NBN: variants seen among roughly 807,000 people sequenced by gnomAD.
NBN encodes Nijmegen breakage syndrome 1 (nibrin).
In NBN, 88 loss-of-function variants were observed where a neutral mutation model predicts 90.8. That is an observed-to-expected ratio of 0.97 (90% CI 0.82 to 1.16). The LOEUF (loss-of-function observed/expected upper bound fraction) is 1.16, where lower values mean the gene tolerates loss of function less well. NBN is among the 50% of genes most tolerant of loss of function. NBN has a pLI of 0.00. For missense variants in NBN, 894 were observed against 869.6 expected, an observed-to-expected ratio of 1.03 and a Z score of -0.35; for synonymous variants, 328 against 295.1, an observed-to-expected ratio of 1.11 and a Z score of -1.14.
In NBN at chr8:89,953,359, T is replaced by A. The variant is rs1341969209; in HGVS notation, c.1730A>T (p.Asp577Val). ...FKDTKPELEI[D>V]VKVQKQEEDV... ...TTCCTCCTGTTTTTGAACTTTCACA[T>A]CAATTTCTAACTCTGGTTTTGTGTC... The change falls in exon 11 of 16, where the codon GAT (aspartate) becomes GTT (valine). Residue 577 changes from aspartate (D) to valine (V), a missense_variant. Coordinates refer to ENST00000265433, the MANE Select transcript of NBN (RefSeq NM_002485.5). 1.2e-6 allele frequency: 2 copies of A among 1,613,602 alleles called. No homozygotes were observed. The highest frequency in any genetic ancestry group is 3.3e-5 in the Admixed American group (2 of 60,022).
At chr8:89,980,660 A>G (rs1812014481) in intron 4 of NBN, 74 bp downstream of exon 4, 4 of 1,310,490 alleles carry the variant, frequency 3.1e-6, no homozygotes, top group Non-Finnish European at 4.3e-6. Flanking sequence ...TAATTAAAAA[A>G]AAATCTGTGT....
intron 7 of NBN, among the ~76,000 whole-genome samples, chr8:89,969,589 G>GGT (rs1811410517): frequency 6.6e-6 from 1 of 152,120 alleles, no homozygotes; most frequent in Admixed American, 6.5e-5. Flanking sequence ...CATGAATAAA[G>GGT]ATATTCTATA....
chr8:89,972,988 G>A (rs1811585564), intron 5 of NBN, among the ~76,000 whole-genome samples: 1 of 152,156 alleles, frequency 6.6e-6, no homozygotes, highest in Admixed American at 6.5e-5. Flanking sequence ...CAGTAGCCAG[G>A]GAGCAGCTAA....
chr8:89,949,532 G>A (rs1810346439), intron 11 of NBN, among the ~76,000 whole-genome samples: 1 of 152,162 alleles, frequency 6.6e-6, no homozygotes, highest in African/African-American at 2.4e-5. Flanking sequence ...ATTTTATAGA[G>A]ACTGGGAAAC....
intron 7 of NBN, among the ~76,000 whole-genome samples, chr8:89,964,779 G>T (rs2129789900): frequency 6.6e-6 from 1 of 152,148 alleles, no homozygotes; most frequent in South Asian, 2.1e-4. Context: ...TACAATTTTT[G>T]GAATAAAAAG....
At chr8:89,968,599 T>C (rs551327541) in intron 7 of NBN, among the ~76,000 whole-genome samples, 3 of 152,352 alleles carry the variant, frequency 2.0e-5, no homozygotes, top group African/African-American at 7.2e-5. Context: ...GGATAATTTT[T>C]TTTTTAATGT....
chr8:89,948,712 T>TA (rs1414751910), intron 11 of NBN, among the ~76,000 whole-genome samples: 1 of 152,124 alleles, frequency 6.6e-6, no homozygotes, highest in African/African-American at 2.4e-5. Flanking sequence ...CCCCACAGAG[T>TA]AAAGAGGATA....
intron 9 of NBN, 112 bp downstream of exon 9, chr8:89,958,613 C>T: frequency 7.7e-7 from 1 of 1,291,052 alleles, no homozygotes; most frequent in Non-Finnish European, 1.1e-6. Flanking sequence ...GTATCCCATT[C>T]TTCCATGCTT....
chr8:89,937,176 T>A lies in NBN; in HGVS notation c.2185-101A>T. ...CACTGTCATCTTAGAGATTTCCACATCCTGGAGGTCACCACATCTGAGTTC... is the reference window on the plus strand; with the variant it reads ...CACTGTCATCTTAGAGATTTCCACAACCTGGAGGTCACCACATCTGAGTTC... On this transcript the variant is annotated intron_variant, in intron 14 of 15. Transcript: ENST00000265433. The A allele has an allele frequency of 6.5e-6, 7 of 1,075,090 alleles. No homozygotes were observed. The South Asian group carries it at 9.2e-5, about 14-fold the overall frequency. 66.6% of individuals were successfully genotyped at this position (1,075,090 alleles called of 1,614,324 possible).
intron 4 of NBN, among the ~76,000 whole-genome samples, chr8:89,978,848 G>A (rs1811903415): frequency 1.3e-5 from 2 of 152,014 alleles, no homozygotes; most frequent in Non-Finnish European, 1.5e-5. Context: ...TACATATAAA[G>A]TGGAAAAAAA....
At chr8:89,957,537 A>G (rs1462838204) in intron 9 of NBN, among the ~76,000 whole-genome samples, 1 of 152,146 alleles carries the variant, frequency 6.6e-6, no homozygotes, top group African/African-American at 2.4e-5. Context: ...ATAAGGCAAC[A>G]ATCATGTACA....
At position 89,980,838 on chromosome 8, in the gene NBN, T is replaced by C; in HGVS notation, c.376A>G (p.Thr126Ala). The change falls in exon 4 of 16, where the codon ACT (threonine) becomes GCT (alanine). Residue 126 changes from threonine to alanine, a missense_variant. Transcript: ENST00000265433. The stretch of plus-strand genomic sequence containing the variant: ...TGCAATATAGCTTGATTTAAAGCAG[T>C]TTTCCCAGAGACATCTAAACAAGAA... Reference protein sequence around the residue: ...CSSCLDVSGKTALNQAILQLG... With the variant: ...CSSCLDVSGKAALNQAILQLG... 2 of 1,612,458 alleles carry C rather than the reference T, an allele frequency of 1.2e-6. No individual in the cohort carries two copies. Among genetic ancestry groups the C allele is most frequent in the Non-Finnish European group, 1.7e-6 (2 of 1,178,802 alleles).
chr8:89,948,150 C>T (rs191324747), intron 11 of NBN, among the ~76,000 whole-genome samples: 2 of 152,198 alleles, frequency 1.3e-5, no homozygotes, highest in East Asian at 3.9e-4. Flanking sequence ...ATATAAATCA[C>T]ATGCTTAGAG....
intron 10 of NBN, among the ~76,000 whole-genome samples, chr8:89,954,659 A>G (rs901527138): frequency 1.3e-5 from 2 of 152,164 alleles, no homozygotes; most frequent in Admixed American, 1.3e-4. Context: ...TTAGGGCCAC[A>G]TATGTTGATT....
chr8:89,959,287 T>C (rs1188668407), intron 8 of NBN, among the ~76,000 whole-genome samples: 1 of 152,212 alleles, frequency 6.6e-6, no homozygotes, highest in Non-Finnish European at 1.5e-5. Flanking sequence ...AAAACCATCT[T>C]AGACATAAAC....
intron 11 of NBN, 69 bp from the exon 12 acceptor site, chr8:89,947,961 C>A: frequency 2.1e-6 from 2 of 935,922 alleles, no homozygotes; most frequent in South Asian, 1.6e-5. Context: ...CACTTCTTGG[C>A]CTTTTGAATA....
chr8:89,966,842 A>G (rs1447991564), intron 7 of NBN, among the ~76,000 whole-genome samples: 1 of 152,242 alleles, frequency 6.6e-6, no homozygotes, highest in Non-Finnish European at 1.5e-5. Flanking sequence ...CTGATGAATG[A>G]AAAAGAATAA....
At chr8:89,973,525 T>C (rs748171387) in intron 5 of NBN, among the ~76,000 whole-genome samples, 10 of 152,314 alleles carry the variant, frequency 6.6e-5, no homozygotes, top group African/African-American at 1.2e-4. Context: ...TGATATATGA[T>C]AGACACATTC....
intron 14 of NBN, among the ~76,000 whole-genome samples, chr8:89,937,988 T>C (rs1242850999): frequency 2.0e-5 from 3 of 152,196 alleles, no homozygotes; most frequent in African/African-American, 7.2e-5. Context: ...ATTCATTCAA[T>C]ACTTATTTAG....
Sources: allele counts gnomAD v4.1 joint callset (sites outside exome capture counted in the v4.1 genomes callset), GRCh38; gene constraint gnomAD v4.1.1; transcripts MANE v1.5; gene names NCBI Gene and HGNC (gene_info 2026-07-23, HGNC 2026-07-21).